Variants in PIN4 observed in about 807,000 individuals in gnomAD.
PIN4 encodes peptidyl-prolyl cis-trans isomerase NIMA-interacting 4.
In PIN4, 3 loss-of-function variants were observed where a neutral mutation model predicts 8.3. The ratio of observed to expected loss-of-function variants is 0.36; its 90% CI spans 0.16 to 0.93. The LOEUF is 0.93. Among genes scored for constraint, PIN4 ranks in the 40% least tolerant of loss-of-function variants. PIN4 has a pLI of 0.44. For synonymous variants in PIN4, 18 were observed against 32.5 expected, an observed-to-expected ratio of 0.55 and a Z score of 1.52; for missense variants, 75 against 100.6, an observed-to-expected ratio of 0.75 and a Z score of 1.09.
intron 3 of PIN4, 46 bp from the exon 4 acceptor site, chrX:72,197,321 TC>T (rs2042771843): frequency 3.5e-6 from 4 of 1,138,492 alleles, no homozygotes. Flanking sequence ...GTAGAACTGT[TC>T]CCTCTTCTGG....
intron 3 of PIN4, among the ~76,000 whole-genome samples, chrX:72,249,164 C>T (rs1170464875): frequency 1.8e-5 from 2 of 112,096 alleles, no homozygotes; most frequent in African/African-American, 3.2e-5. Flanking sequence ...GAACAGACAC[C>T]TCATGAGACA....
At chrX:72,204,284 C>T (rs1409608744) in intron 3 of PIN4, among the ~76,000 whole-genome samples, 1 of 112,420 alleles carries the variant, frequency 8.9e-6, no homozygotes, top group East Asian at 2.8e-4. Flanking sequence ...TTACTTTTAA[C>T]GATTTTGTGC....
At chrX:72,262,733 T>C (rs1356795521) in exon 4 of PIN4, 5 of 1,147,214 alleles carry the variant, frequency 4.4e-6, no homozygotes, top group Middle Eastern at 2.3e-4. Flanking sequence ...AACATGCTGG[T>C]CACCATAGAG....
chrX:72,239,924 T>A (rs1207006971), intron 3 of PIN4, among the ~76,000 whole-genome samples: 5 of 108,432 alleles, frequency 4.6e-5, no homozygotes, highest in Non-Finnish European at 9.5e-5. Context: ...TTAAAAAAAA[T>A]TTTTTTCTTC....
At chrX:72,192,088 A>G (rs1436849515) in intron 2 of PIN4, among the ~76,000 whole-genome samples, 1 of 110,577 alleles carries the variant, frequency 9.0e-6, no homozygotes, top group Non-Finnish European at 1.9e-5. Context: ...AGTAGCTGGG[A>G]TTACAGGCAT....
chrX:72,194,832 T>G (rs936731066), intron 2 of PIN4, among the ~76,000 whole-genome samples: 1 of 111,141 alleles, frequency 9.0e-6, no homozygotes, highest in Non-Finnish European at 1.9e-5. Flanking sequence ...ATGTAAAGTG[T>G]CCTATATAAG....
intron 2 of PIN4, among the ~76,000 whole-genome samples, chrX:72,187,973 G>A (rs897386901): frequency 1.8e-5 from 2 of 111,618 alleles, no homozygotes; most frequent in Non-Finnish European, 3.8e-5. Context: ...TAAATGGTGT[G>A]GACTGTTCTG....
At chrX:72,241,106 G>T (rs988569273) in intron 3 of PIN4, among the ~76,000 whole-genome samples, 1 of 111,103 alleles carries the variant, frequency 9.0e-6, no homozygotes, top group Admixed American at 9.6e-5. Flanking sequence ...TGAAGGCCAG[G>T]TTATGAAGGA....
At chrX:72,218,695 A>G (rs1309365609) in intron 3 of PIN4, among the ~76,000 whole-genome samples, 1 of 110,362 alleles carries the variant, frequency 9.1e-6, no homozygotes, top group Non-Finnish European at 1.9e-5. Flanking sequence ...GGGTTTCACC[A>G]TGTTGGCCGG....
intron 3 of PIN4, chrX:72,208,845 A>G: frequency 4.1e-6 from 2 of 486,341 alleles, no homozygotes; most frequent in Non-Finnish European, 6.7e-6. Flanking sequence ...CAAGATGCCA[A>G]TGAAAGCTGG....
At chrX:72,190,371 C>G (rs1358282897) in intron 2 of PIN4, among the ~76,000 whole-genome samples, 4 of 110,824 alleles carry the variant, frequency 3.6e-5, no homozygotes, top group Non-Finnish European at 5.7e-5. Context: ...ATGGATATTC[C>G]AAGTATACTG....
intron 3 of PIN4, chrX:72,256,084 T>G (rs977537428): frequency 8.9e-6 from 1 of 111,890 alleles, no homozygotes; most frequent in African/African-American, 3.3e-5. Flanking sequence ...AGGGCCATGA[T>G]TCATTCAAGC....
chrX:72,195,985 A>G (rs9699262), intron 2 of PIN4, among the ~76,000 whole-genome samples: 51,479 of 108,072 alleles, frequency 0.48, 11,882 homozygotes, highest in East Asian at 0.98. Context: ...TGGGCGTGGT[A>G]ATGGGTGCCT....
chrX:72,251,325 T>C (rs2043086461), intron 3 of PIN4, among the ~76,000 whole-genome samples: 1 of 89,832 alleles, frequency 1.1e-5, no homozygotes. Context: ...ATTGTGCCAC[T>C]GCACTCCAGC....
intron 3 of PIN4, among the ~76,000 whole-genome samples, chrX:72,234,188 A>G (rs1264101555): frequency 8.9e-6 from 1 of 112,368 alleles, no homozygotes; most frequent in African/African-American, 3.2e-5. Context: ...CTGGGGATTT[A>G]AATTATCTTA....
chrX:72,205,281 C>T (rs147364154), intron 3 of PIN4: 8 of 1,210,362 alleles, frequency 6.6e-6, no homozygotes, highest in African/African-American at 5.2e-5. Flanking sequence ...TAGGCTTAGA[C>T]GTCATTAACC....
At chrX:72,226,521 G>A (rs1037739537) in intron 3 of PIN4, among the ~76,000 whole-genome samples, 14 of 112,062 alleles carry the variant, frequency 1.2e-4, no homozygotes, top group Admixed American at 5.7e-4. Context: ...TGGAGCGAGC[G>A]GGGCTATGTC....
chrX:72,220,403 G>A (rs1011405789), intron 3 of PIN4, among the ~76,000 whole-genome samples: 4 of 111,506 alleles, frequency 3.6e-5, no homozygotes, highest in African/African-American at 9.8e-5. Context: ...CGGGAGCATC[G>A]GCATCTTGGA....
intron 3 of PIN4, 86 bp from the exon 4 acceptor site, chrX:72,197,281 CA>C: frequency 1.1e-6 from 1 of 884,917 alleles, no homozygotes. Flanking sequence ...GTAACCTTAG[CA>C]AAATGTTGGG....
Sources: allele counts gnomAD v4.1 joint callset (sites outside exome capture counted in the v4.1 genomes callset), GRCh38; gene constraint gnomAD v4.1.1; transcripts MANE v1.5; gene names NCBI Gene and HGNC (gene_info 2026-07-23, HGNC 2026-07-21).